The following OSBPL10 variants were observed in gnomAD, a reference collection of about 807,000 sequenced individuals.
The protein encoded by OSBPL10 is oxysterol-binding protein-related protein 10.
In OSBPL10, 49 loss-of-function variants were observed where a neutral mutation model predicts 81.7. That is an observed-to-expected ratio of 0.60 (90% CI 0.48 to 0.76). The LOEUF (loss-of-function observed/expected upper bound fraction) is 0.76, where lower values mean the gene tolerates loss of function less well. OSBPL10 is among the 30% of genes least tolerant of loss of function. OSBPL10 has a pLI of 0.00. For synonymous variants in OSBPL10, 419 were observed against 383.6 expected (o/e 1.09, Z -1.08); for missense variants, 923 against 987.8 (o/e 0.93, Z 0.88).
At chr3:32,040,001 G>A (rs982959259) in intron 2 of OSBPL10, among the ~76,000 whole-genome samples, 2 of 152,196 alleles carry the variant, frequency 1.3e-5, no homozygotes, top group African/African-American at 4.8e-5. Flanking sequence ...ACATGGGCCA[G>A]CTTTGTGTTT....
intron 4 of OSBPL10, among the ~76,000 whole-genome samples, chr3:31,815,072 CTG>C (rs1363490328): frequency 3.0e-5 from 2 of 66,642 alleles, no homozygotes; most frequent in East Asian, 6.9e-4. Context: ...CTGCATGACT[CTG>C]TAAGAATCTG....
At chr3:31,885,953 C>T (rs1273308001) in intron 1 of OSBPL10, among the ~76,000 whole-genome samples, 3 of 143,736 alleles carry the variant, frequency 2.1e-5, no homozygotes, top group Admixed American at 7.1e-5. Context: ...CAAGGTCACA[C>T]CATTGCACTC....
At chr3:31,693,233 C>A (rs1038376992) in intron 7 of OSBPL10, among the ~76,000 whole-genome samples, 7 of 152,094 alleles carry the variant, frequency 4.6e-5, no homozygotes, top group Non-Finnish European at 4.4e-5. Flanking sequence ...GGCCTTCTGA[C>A]CCTTTTCATT....
At chr3:31,911,217 G>A (rs1696567573) in intron 1 of OSBPL10, among the ~76,000 whole-genome samples, 1 of 152,192 alleles carries the variant, frequency 6.6e-6, no homozygotes, top group African/African-American at 2.4e-5. Flanking sequence ...GTAGGCCATT[G>A]CAGTCTCTGT....
chr3:31,881,953 C>T (rs187378314), intron 1 of OSBPL10, among the ~76,000 whole-genome samples: 117 of 152,326 alleles, frequency 7.7e-4, no homozygotes, highest in Non-Finnish European at 1.1e-3. Flanking sequence ...CTCGGGTCCA[C>T]TCCAGCAAAC....
intron 1 of OSBPL10, among the ~76,000 whole-genome samples, chr3:31,885,995 CAAAAAAAAAAAA>C (rs397957994): frequency 1.6e-5 from 1 of 62,538 alleles, no homozygotes; most frequent in African/African-American, 6.3e-5. Flanking sequence ...AACTCCATCT[CAAAAAAAAAAAA>C]AAAAAAAGAA....
intron 2 of OSBPL10, among the ~76,000 whole-genome samples, chr3:32,033,921 T>C (rs1207373715): frequency 2.0e-5 from 3 of 152,068 alleles, no homozygotes; most frequent in Non-Finnish European, 4.4e-5. Context: ...TATGAAGAAA[T>C]ATCCAAGACT....
upstream of OSBPL10, among the ~76,000 whole-genome samples, chr3:31,982,674 G>C (rs2125510594): frequency 6.6e-6 from 1 of 151,696 alleles, no homozygotes; most frequent in South Asian, 2.1e-4. Flanking sequence ...TCTGAAAAGA[G>C]CTTGCCTGGA....
chr3:31,989,177 T>C (rs1478425764), intron 2 of OSBPL10: 2 of 1,613,948 alleles, frequency 1.2e-6, no homozygotes, highest in Non-Finnish European at 8.5e-7. Context: ...GCTATAGAAT[T>C]CTCTTTGGAG....
At chr3:31,928,762 C>CAAAAAAAAAAAAAAA (rs58345341) in intron 1 of OSBPL10, among the ~76,000 whole-genome samples, 1 of 95,064 alleles carries the variant, frequency 1.1e-5, no homozygotes, top group African/African-American at 3.2e-5. Context: ...GACTTGTCTC[C>CAAAAAAAAAAAAAAA]AAAAAAAAAA....
intron 2 of OSBPL10, chr3:31,989,185 G>A: frequency 1.2e-6 from 2 of 1,614,136 alleles, no homozygotes; most frequent in Non-Finnish European, 8.5e-7. Context: ...ATTCTCTTTG[G>A]AGGAGTGGAA....
At chr3:31,669,998 C>T (rs1480574924) in intron 9 of OSBPL10, among the ~76,000 whole-genome samples, 1 of 152,160 alleles carries the variant, frequency 6.6e-6, no homozygotes, top group Non-Finnish European at 1.5e-5. Flanking sequence ...AGGGAAGACA[C>T]CTGATCTGTA....
At chr3:31,903,354 G>T (rs1407456120) in intron 1 of OSBPL10, among the ~76,000 whole-genome samples, 10 of 140,960 alleles carry the variant, frequency 7.1e-5, no homozygotes, top group Admixed American at 2.2e-4. Context: ...TTTAGACAAG[G>T]TCTCACTATG....
At position 32,058,587 on chromosome 3, in the gene OSBPL10, A is replaced by G. The variant is rs535516302; in HGVS notation, n.186-11984T>C. Among the ~76,000 whole-genome samples, 414 of 152,278 alleles carry G rather than the reference A, an allele frequency of 2.7e-3. 3 individuals carry two copies. The highest frequency in any genetic ancestry group is 9.4e-3 in the African/African-American group (390 of 41,562). ...AGTGATCCGCCCACCTCGGCCTCCCAAAGTGCTGACATTACAGGCATGAGC... is the reference window on the plus strand; with the variant it reads ...AGTGATCCGCCCACCTCGGCCTCCCGAAGTGCTGACATTACAGGCATGAGC... On this transcript the variant is annotated intron_variant and non_coding_transcript_variant, in intron 1 of 3. Coordinates refer to the OSBPL10 transcript ENST00000479173.
At chr3:31,920,524 A>AT (rs1225472005) in intron 1 of OSBPL10, among the ~76,000 whole-genome samples, 1 of 152,218 alleles carries the variant, frequency 6.6e-6, no homozygotes, top group Non-Finnish European at 1.5e-5. Flanking sequence ...GTTGCTTCCC[A>AT]TGGGGATGCA....
At chr3:31,783,113 A>ATG (rs1698742759) in intron 4 of OSBPL10, among the ~76,000 whole-genome samples, 1 of 9,558 alleles carries the variant, frequency 1.0e-4, no homozygotes, top group Non-Finnish European at 2.1e-4. Context: ...TATATCTATT[A>ATG]TATATATATA....
intron 1 of OSBPL10, among the ~76,000 whole-genome samples, chr3:31,966,233 T>C (rs1172865523): frequency 1.3e-5 from 2 of 149,112 alleles, no homozygotes; most frequent in Admixed American, 6.7e-5. Flanking sequence ...GAAAATAAAG[T>C]CTCAAGATAA....
chr3:31,949,784 T>A (rs7618013), intron 1 of OSBPL10, among the ~76,000 whole-genome samples: 3,010 of 151,244 alleles, frequency 0.02, 112 homozygotes, highest in African/African-American at 0.068. Flanking sequence ...TCTGAAACTT[T>A]CAGCAGAAAA....
intron 1 of OSBPL10, among the ~76,000 whole-genome samples, chr3:31,920,993 C>G (rs1268774774): frequency 6.6e-6 from 1 of 152,024 alleles, no homozygotes; most frequent in African/African-American, 2.4e-5. Context: ...AATAAATTAC[C>G]CAGTCTCAGG....
Sources: allele counts gnomAD v4.1 joint callset (sites outside exome capture counted in the v4.1 genomes callset), GRCh38; gene constraint gnomAD v4.1.1; transcripts MANE v1.5; gene names NCBI Gene and HGNC (gene_info 2026-07-23, HGNC 2026-07-21).